Variants in AGAP1 observed in about 807,000 individuals in gnomAD.
AGAP1 encodes ArfGAP with GTPase domain, ankyrin repeat and PH domain 1, also known as arf-GAP with GTPase, ANK repeat and PH domain-containing protein 1.
A neutral mutation model predicts 105.3 loss-of-function variants in AGAP1; 29 were observed. The ratio of observed to expected loss-of-function variants is 0.28; its 90% CI spans 0.21 to 0.38. The LOEUF (loss-of-function observed/expected upper bound fraction) is 0.38. Ranked by LOEUF, AGAP1 falls within the 10% of genes least tolerant of loss-of-function variation. The pLI is 1.00. For synonymous variants in AGAP1, 509 were observed against 485.9 expected, an observed-to-expected ratio of 1.05 and a Z score of -0.63; for missense variants, 998 against 1,165.1, an observed-to-expected ratio of 0.86 and a Z score of 2.09.
At position 236,096,620 on chromosome 2, in the gene AGAP1, C is replaced by G. The variant is rs900568452; in HGVS notation, c.2115-23572C>G. ...TGGGACAGAGTCTCGCTCTTGTCACCCAGGCTGGAGTGCAGTGGCATGATC... is the reference window on the plus strand; with the variant it reads ...TGGGACAGAGTCTCGCTCTTGTCACGCAGGCTGGAGTGCAGTGGCATGATC... On this transcript the variant is annotated intron_variant, in intron 16 of 17. Transcript: ENST00000304032. The surrounding 1 kb of genome is among the most constrained non-coding windows in gnomAD (Gnocchi z 4.4). 2.0e-5 allele frequency among the ~76,000 whole-genome samples: 3 copies of G among 151,490 alleles called. No homozygotes were observed. The highest frequency in any genetic ancestry group is 2.9e-5 in the Non-Finnish European group (2 of 67,912).
Position 235,642,140 on chromosome 2 carries a change from T to A in AGAP1, c.164-67039T>A, listed in dbSNP as rs1947218637. On this transcript the variant is annotated intron_variant, in intron 1 of 17. Transcript: ENST00000304032. This position sits in a 1 kb window ranked among gnomAD's most constrained non-coding sequence, Gnocchi z 4.1. The stretch of plus-strand genomic sequence containing the variant: ...CCAGGGGCCCTCCAGAGGGTGCCCA[T>A]CCACGGAGTGCGGCGCCTGCTCGAC... 6.6e-6 allele frequency among the ~76,000 whole-genome samples: 1 copy of A among 152,208 alleles called. No individual in the cohort carries two copies. The highest frequency in any genetic ancestry group is 1.5e-5 in the Non-Finnish European group (1 of 68,038).
At position 235,728,309 on chromosome 2, in the gene AGAP1, G is replaced by GTA. The variant is rs1200304099; in HGVS notation, c.310+10666_310+10667insAT. ...AGGACTGGGCCCAGACTCTGTGTGT[G>GTA]TGTGTGTGTGTGTGTGTGCGTGCTC... On this transcript the variant is annotated intron_variant, in intron 3 of 17. Coordinates refer to ENST00000304032, the MANE Select transcript of AGAP1 (RefSeq NM_001037131.3). This position sits in a 1 kb window ranked among gnomAD's most constrained non-coding sequence, Gnocchi z 4.3. Among the ~76,000 whole-genome samples, 6 of 151,692 alleles carry GTA rather than the reference G, an allele frequency of 4.0e-5. No homozygotes were observed. Among genetic ancestry groups the GTA allele is most frequent in the Admixed American group, 3.9e-4 (6 of 15,254 alleles).
Position 236,040,871 on chromosome 2 carries a change from G to A in AGAP1, c.1891+30G>A. 6.2e-7 allele frequency: 1 copy of A among 1,612,092 alleles called. No individual in the cohort carries two copies. Among genetic ancestry groups the A allele is most frequent in the Non-Finnish European group, 8.5e-7 (1 of 1,178,312 alleles). On this transcript the variant is annotated intron_variant, in intron 15 of 17. Transcript: ENST00000304032. This position sits in a 1 kb window ranked among gnomAD's most constrained non-coding sequence, Gnocchi z 5.6. Reference sequence around the variant, plus strand: ...GTGTGTGCGGTGGTAGCAGGGGCTGGCGCTGTGTAGCTGGAGACCACATGG... The same window carrying A: ...GTGTGTGCGGTGGTAGCAGGGGCTGACGCTGTGTAGCTGGAGACCACATGG...
At chr2:235,834,392 A>G (rs1959862899) in intron 9 of AGAP1, among the ~76,000 whole-genome samples, 1 of 152,134 alleles carries the variant, frequency 6.6e-6, no homozygotes, top group Non-Finnish European at 1.5e-5. Flanking sequence ...CAAAGGGTGT[A>G]TCCTGGTTCA....
At chr2:235,783,921 A>G (rs1315778653) in intron 6 of AGAP1, among the ~76,000 whole-genome samples, 3 of 152,168 alleles carry the variant, frequency 2.0e-5, no homozygotes, top group Non-Finnish European at 4.4e-5. Context: ...GTGGGAGTGA[A>G]CTGATGCCTG....
intron 9 of AGAP1, among the ~76,000 whole-genome samples, chr2:235,815,293 G>T (rs895079809): frequency 6.6e-6 from 1 of 152,228 alleles, no homozygotes; most frequent in Non-Finnish European, 1.5e-5. Flanking sequence ...AGCAGAGCCT[G>T]TTTCTGGAGA....
intron 9 of AGAP1, among the ~76,000 whole-genome samples, chr2:235,848,505 G>T (rs1340509446): frequency 6.6e-6 from 1 of 152,170 alleles, no homozygotes; most frequent in African/African-American, 2.4e-5. Flanking sequence ...CAAAGATTTG[G>T]GTTTAGCAAA....
chr2:235,571,677 C>T (rs898446831), intron 1 of AGAP1, among the ~76,000 whole-genome samples: 2 of 152,098 alleles, frequency 1.3e-5, no homozygotes, highest in African/African-American at 4.8e-5. Context: ...TTAAAGGCAA[C>T]TCACCTGGGA....
intron 1 of AGAP1, among the ~76,000 whole-genome samples, chr2:235,678,777 C>T (rs879227027): frequency 4.6e-5 from 7 of 152,036 alleles, no homozygotes; most frequent in African/African-American, 1.7e-4. Flanking sequence ...TCTGCCGGCT[C>T]ACCTGAGACG....
chr2:235,513,291 C>T (rs1375703844), intron 1 of AGAP1, among the ~76,000 whole-genome samples: 1 of 151,790 alleles, frequency 6.6e-6, no homozygotes, highest in South Asian at 2.1e-4. Context: ...GAGGCTGAGG[C>T]GGGCAGATTG....
At position 235,994,579 on chromosome 2, in the gene AGAP1, C is replaced by T. The variant is rs2125470194; in HGVS notation, c.1645+25956C>T. On this transcript the variant is annotated intron_variant, in intron 13 of 17. Coordinates refer to ENST00000304032, the MANE Select transcript of AGAP1 (RefSeq NM_001037131.3). This position sits in a 1 kb window ranked among gnomAD's most constrained non-coding sequence, Gnocchi z 4.4. ...AGGTTACTTTCTACCAAACTGTTTC[C>T]TAATTGCACTCCCTGCATTGTCTTA... Among the ~76,000 whole-genome samples, 1 of 152,184 alleles carries T rather than the reference C, an allele frequency of 6.6e-6. No homozygotes were observed. Among genetic ancestry groups the T allele is most frequent in the Admixed American group, 6.5e-5 (1 of 15,280 alleles).
At position 235,716,147 on chromosome 2, in the gene AGAP1, A is replaced by G. The variant is rs968838353; in HGVS notation, c.223-1410A>G. Among the ~76,000 whole-genome samples, 1 of 152,150 alleles carries G rather than the reference A, an allele frequency of 6.6e-6. No homozygotes were observed. The highest frequency in any genetic ancestry group is 1.5e-5 in the Non-Finnish European group (1 of 68,018). ...GGTGTCTCCTGTTAAATGGAATCGC[A>G]GCTCATTGAGAGAAGGTTGGATGTG... On this transcript the variant is annotated intron_variant, in intron 2 of 17. Coordinates refer to ENST00000304032, the MANE Select transcript of AGAP1 (RefSeq NM_001037131.3). The surrounding 1 kb of genome is among the most constrained non-coding windows in gnomAD (Gnocchi z 4.0).
chr2:235,771,999 C>CT (rs961967325), intron 6 of AGAP1, among the ~76,000 whole-genome samples: 3,665 of 135,014 alleles, frequency 0.027, 146 homozygotes, highest in African/African-American at 0.089. Context: ...CTTTTCTTAT[C>CT]TTTTTTTTTT....
chr2:235,828,291 C>T (rs755785747), intron 9 of AGAP1, among the ~76,000 whole-genome samples: 1 of 152,116 alleles, frequency 6.6e-6, no homozygotes, highest in Non-Finnish European at 1.5e-5. Context: ...TTGGGAATTT[C>T]TTTTTTTGGT....
intron 1 of AGAP1, among the ~76,000 whole-genome samples, chr2:235,657,634 G>A (rs577098243): frequency 8.5e-5 from 13 of 152,202 alleles, no homozygotes; most frequent in African/African-American, 2.4e-4. Flanking sequence ...CATCCGCCTC[G>A]GCCTCCCAAA....
chr2:235,709,227 A>G lies in AGAP1; in HGVS notation c.212A>G (p.Glu71Gly). 1 of 1,614,024 alleles carries G rather than the reference A, an allele frequency of 6.2e-7. No homozygotes were observed. Among genetic ancestry groups the G allele is most frequent in the East Asian group, 2.2e-5 (1 of 44,850 alleles). ...QEWTLSRSVPELKVGIVGNLA... is the reference protein window; with the variant it reads ...QEWTLSRSVPGLKVGIVGNLA... The stretch of plus-strand genomic sequence containing the variant: ...TGGACGCTGAGTCGATCTGTCCCGG[A>G]GCTCAAAGTGGTGAGTGGTTCCCTC... The change falls in exon 2 of 18, where the codon GAG becomes GGG. Residue 71 changes from glutamate (E) to glycine (G), a missense_variant. Physicochemically the swap from Glu to Gly is moderately conservative, Grantham distance 98. Transcript: ENST00000304032.
At chr2:235,810,874 G>A (rs897312062) in intron 9 of AGAP1, among the ~76,000 whole-genome samples, 14 of 140,812 alleles carry the variant, frequency 9.9e-5, no homozygotes, top group Non-Finnish European at 1.1e-4. Flanking sequence ...GTCTATTCGA[G>A]TAAAAATTAA....
chr2:235,923,202 T>C (rs2052271099), intron 11 of AGAP1, among the ~76,000 whole-genome samples: 1 of 152,176 alleles, frequency 6.6e-6, no homozygotes, highest in South Asian at 2.1e-4. Flanking sequence ...AAAAGGTCCT[T>C]TTATGACTGC....
In AGAP1 at chr2:235,558,929, G is replaced by T. The variant is rs531670140; in HGVS notation, c.163+64080G>T. On this transcript the variant is annotated intron_variant, in intron 1 of 17. Transcript: ENST00000304032. Reference sequence around the variant, plus strand: ...AAAAAGTTCATTACACGTCATTGAAGATTTTTTTTTTTAGATAGGGTCTCG... The same window carrying T: ...AAAAAGTTCATTACACGTCATTGAATATTTTTTTTTTTAGATAGGGTCTCG... 1.1e-4 allele frequency among the ~76,000 whole-genome samples: 16 copies of T among 152,148 alleles called. No homozygotes were observed. In the South Asian group the frequency reaches 3.1e-3, roughly 30 times the overall value.
Sources: allele counts gnomAD v4.1 joint callset (sites outside exome capture counted in the v4.1 genomes callset), GRCh38; gene constraint gnomAD v4.1.1; non-coding constraint Gnocchi (gnomAD v3.1); transcripts MANE v1.5; gene names NCBI Gene and HGNC (gene_info 2026-07-23, HGNC 2026-07-21).